SPAST: variants seen among roughly 807,000 people sequenced by gnomAD.
SPAST encodes spastin.
A neutral mutation model predicts 76.6 loss-of-function variants in SPAST; 30 were observed. The observed-to-expected ratio is 0.39, with a 90% CI of 0.29 to 0.53. SPAST has a LOEUF of 0.53. Among genes scored for constraint, SPAST ranks in the 20% least tolerant of loss-of-function variants. The pLI, the probability that SPAST is intolerant of heterozygous loss-of-function variation, is 0.68. For missense variants in SPAST, 717 were observed against 770.5 expected (o/e 0.93, Z 0.82); for synonymous variants, 305 against 281.0 (o/e 1.09, Z -0.86).
chr2:32,111,282 A>G lies in SPAST; in HGVS notation c.683-3356A>G, dbSNP rs556943155. 1.4e-3 allele frequency among the ~76,000 whole-genome samples: 135 copies of G among 97,166 alleles called. 3 individuals are homozygous for G. The highest frequency in any genetic ancestry group is 4.3e-3 in the African/African-American group (115 of 26,948). The allele number at this position is 97,166 out of a possible 152,430, so 63.7% of individuals were successfully genotyped here. On this transcript the variant is annotated intron_variant, in intron 4 of 16. Coordinates refer to ENST00000315285, the MANE Select transcript of SPAST (RefSeq NM_014946.4). ...GTATAGCGTATATATACAGTATACT[A>G]TATAGTGTGTATAGCGTATATATAC...
At chr2:32,141,194 T>A (rs796164007) in intron 12 of SPAST, among the ~76,000 whole-genome samples, 44 of 152,324 alleles carry the variant, frequency 2.9e-4, no homozygotes, top group African/African-American at 1.0e-3. Flanking sequence ...TTTATTCTTC[T>A]ACTAAAAAAT....
intron 14 of SPAST, among the ~76,000 whole-genome samples, chr2:32,144,243 A>T (rs1296618148): frequency 6.6e-6 from 1 of 152,216 alleles, no homozygotes; most frequent in Non-Finnish European, 1.5e-5. Flanking sequence ...TTATTTAAAA[A>T]AATGTACATT....
At chr2:32,113,712 CCCA>C (rs900860539) in intron 4 of SPAST, among the ~76,000 whole-genome samples, 2 of 150,970 alleles carry the variant, frequency 1.3e-5, no homozygotes, top group African/African-American at 2.4e-5. Flanking sequence ...ATTATAGGCC[CCCA>C]CCACCACGTC....
At chr2:32,105,250 C>T (rs1233789579) in intron 4 of SPAST, among the ~76,000 whole-genome samples, 2 of 152,266 alleles carry the variant, frequency 1.3e-5, no homozygotes, top group African/African-American at 4.8e-5. Context: ...GAATCGGCTA[C>T]TGAAGCTCAT....
intron 1 of SPAST, among the ~76,000 whole-genome samples, chr2:32,077,042 A>G (rs1224395516): frequency 1.3e-5 from 2 of 151,944 alleles, no homozygotes; most frequent in African/African-American, 4.8e-5. Context: ...TGCCTGGCTA[A>G]TTTTTGTATT....
At chr2:32,104,445 A>G (rs925411545) in intron 4 of SPAST, among the ~76,000 whole-genome samples, 6 of 152,140 alleles carry the variant, frequency 3.9e-5, no homozygotes, top group African/African-American at 1.4e-4. Context: ...CATTTAGCCC[A>G]TTTCCATTTA....
At chr2:32,110,570 A>C (rs1412309123) in intron 4 of SPAST, among the ~76,000 whole-genome samples, 3 of 124,596 alleles carry the variant, frequency 2.4e-5, no homozygotes, top group East Asian at 2.3e-4. Flanking sequence ...GTGTATATAT[A>C]GTATATATAT....
At chr2:32,112,498 C>A (rs928953715) in intron 4 of SPAST, among the ~76,000 whole-genome samples, 38 of 152,164 alleles carry the variant, frequency 2.5e-4, no homozygotes, top group African/African-American at 8.9e-4. Context: ...CAGGCGCACG[C>A]CACCACACCT....
intron 12 of SPAST, 98 bp downstream of exon 12, chr2:32,137,286 T>A: frequency 1.0e-6 from 1 of 992,838 alleles, no homozygotes; most frequent in Non-Finnish European, 1.6e-6. Context: ...GTTTTAAGAC[T>A]AAATTCACTA....
chr2:32,128,891 A>G (rs910590712), intron 9 of SPAST: 15 of 249,072 alleles, frequency 6.0e-5, no homozygotes, highest in African/African-American at 3.0e-4. Flanking sequence ...TTGTAGATGC[A>G]TCCCTCCTAT....
chr2:32,064,586 A>T (rs975022362), intron 1 of SPAST, among the ~76,000 whole-genome samples: 18 of 152,204 alleles, frequency 1.2e-4, no homozygotes, highest in Admixed American at 6.5e-4. Context: ...CACTGTGAAG[A>T]GTGTGCAGCT....
At chr2:32,071,651 G>A (rs569948140) in intron 1 of SPAST, among the ~76,000 whole-genome samples, 1 of 152,168 alleles carries the variant, frequency 6.6e-6, no homozygotes, top group Admixed American at 6.6e-5. Flanking sequence ...GGAAAGGCAG[G>A]AAAACTAGAA....
chr2:32,102,512 C>T (rs375819766), intron 4 of SPAST, among the ~76,000 whole-genome samples: 40 of 152,254 alleles, frequency 2.6e-4, no homozygotes, highest in Non-Finnish European at 4.6e-4. Context: ...CTATGTTGAA[C>T]AGGAGTGGTG....
At chr2:32,102,899 G>A (rs957927601) in intron 4 of SPAST, among the ~76,000 whole-genome samples, 6 of 152,146 alleles carry the variant, frequency 3.9e-5, no homozygotes, top group Admixed American at 1.3e-4. Context: ...TTTTTGCGTT[G>A]ATGTTCATCA....
intron 16 of SPAST, among the ~76,000 whole-genome samples, chr2:32,147,786 C>A (rs1393221822): frequency 6.6e-6 from 1 of 151,612 alleles, no homozygotes; most frequent in Non-Finnish European, 1.5e-5. Context: ...CGCCCACCAC[C>A]ACGCCTGGCT....
At chr2:32,131,134 G>T (rs866011900) in intron 9 of SPAST, among the ~76,000 whole-genome samples, 12 of 152,110 alleles carry the variant, frequency 7.9e-5, no homozygotes, top group Admixed American at 2.6e-4. Context: ...TCTTCCTTAG[G>T]CAGTTCTTCA....
rs533818154 is a variant in SPAST, at chr2:32,123,811, AC to A, written c.1099-3136del. Among the ~76,000 whole-genome samples, 40 of 152,344 alleles carry A rather than the reference AC, an allele frequency of 2.6e-4. No homozygotes were observed. In the East Asian group the frequency reaches 6.5e-3, roughly 25 times the overall value. ...TCAACAAATGGTATAGGACAACTGG[AC>A]ATCCACATGCAAAAAAGTTAATCTA... On this transcript the variant is annotated intron_variant, in intron 7 of 16. Transcript: ENST00000315285.
At chr2:32,152,450 G>A (rs1355862377) in intron 16 of SPAST, among the ~76,000 whole-genome samples, 1 of 151,984 alleles carries the variant, frequency 6.6e-6, no homozygotes, top group East Asian at 1.9e-4. Flanking sequence ...CACACCTATA[G>A]TCCTAGCTAC....
intron 15 of SPAST, among the ~76,000 whole-genome samples, chr2:32,146,964 T>C (rs913285617): frequency 4.6e-5 from 7 of 152,036 alleles, no homozygotes; most frequent in African/African-American, 1.7e-4. Flanking sequence ...AAGTTCCCTT[T>C]CAAATTTGTG....
Sources: gnomAD v4.1 joint callset for allele counts (sites outside exome capture counted in the v4.1 genomes callset) on GRCh38, gnomAD v4.1.1 for gene constraint, MANE v1.5 for transcripts, NCBI Gene and HGNC (gene_info 2026-07-23, HGNC 2026-07-21) for gene names.